Variants in GALNTL6 observed in about 807,000 individuals in gnomAD.
GALNTL6 encodes polypeptide N-acetylgalactosaminyltransferase like 6, also known as polypeptide N-acetylgalactosaminyltransferase-like 6.
A neutral mutation model predicts 73.7 loss-of-function variants in GALNTL6; 46 were observed. That is an observed-to-expected ratio of 0.62 (90% CI 0.49 to 0.80). GALNTL6 has a LOEUF of 0.80. Among genes scored for constraint, GALNTL6 ranks in the 30% least tolerant of loss-of-function variants. The pLI is 0.00. For missense variants in GALNTL6, 604 were observed against 755.0 expected (o/e 0.80, Z 2.34); for synonymous variants, 259 against 263.7 (o/e 0.98, Z 0.17).
Position 172,547,594 on chromosome 4 carries a change from C to A in GALNTL6, c.553+198905C>A, listed in dbSNP as rs559690892. 1.2e-3 allele frequency among the ~76,000 whole-genome samples: 187 copies of A among 152,074 alleles called. 2 individuals carry two copies. Among genetic ancestry groups the A allele is most frequent in the Non-Finnish European group, 1.9e-3 (129 of 68,026 alleles). ...GAAAAGTTCATGAGTAACTCAGCAACCTTTAGATCATTTTTTTTCCTCCTG... is the reference window on the plus strand; with the variant it reads ...GAAAAGTTCATGAGTAACTCAGCAAACTTTAGATCATTTTTTTTCCTCCTG... On this transcript the variant is annotated intron_variant, in intron 5 of 12. Transcript: ENST00000506823.
intron 2 of GALNTL6, among the ~76,000 whole-genome samples, chr4:172,224,749 C>A (rs1736794056): frequency 6.6e-6 from 1 of 152,096 alleles, no homozygotes; most frequent in Non-Finnish European, 1.5e-5. Context: ...ACATTTCTGT[C>A]CCCAAAAGGT....
chr4:172,587,097 G>A (rs1331288691), intron 5 of GALNTL6, among the ~76,000 whole-genome samples: 1 of 151,936 alleles, frequency 6.6e-6, no homozygotes, highest in Non-Finnish European at 1.5e-5. Flanking sequence ...GCCTATGTGT[G>A]TGCACATGTG....
At chr4:171,867,205 G>A (rs1245742374) in intron 2 of GALNTL6, among the ~76,000 whole-genome samples, 1 of 152,076 alleles carries the variant, frequency 6.6e-6, no homozygotes, top group Non-Finnish European at 1.5e-5. Flanking sequence ...CATTTTCCTG[G>A]ATGGGAACAT....
At chr4:172,813,347 A>C (rs1012664854) in intron 6 of GALNTL6, among the ~76,000 whole-genome samples, 193 bp from the exon 7 acceptor site, 24 of 152,124 alleles carry the variant, frequency 1.6e-4, no homozygotes, top group Admixed American at 2.6e-4. Context: ...CAACAACTCT[A>C]ATTGGACCTA....
Position 172,069,615 on chromosome 4 carries a change from A to G in GALNTL6, c.139-160041A>G, listed in dbSNP as rs1488739264. ...TATAACACATATATGTTATATATAT[A>G]TAACATATATATATATCCTAAATTT... On this transcript the variant is annotated intron_variant, in intron 2 of 12. Transcript: ENST00000506823. Among the ~76,000 whole-genome samples the G allele has an allele frequency of 2.5e-4, 2 of 7,990 alleles. 1 individual carries two copies. The highest frequency in any genetic ancestry group is 6.7e-4 in the Non-Finnish European group (2 of 3,006). The allele number at this position is 7,990 out of a possible 152,430, so 5.2% of individuals were successfully genotyped here.
intron 5 of GALNTL6, among the ~76,000 whole-genome samples, chr4:172,793,940 A>G (rs754023967): frequency 3.9e-5 from 6 of 152,226 alleles, no homozygotes; most frequent in Non-Finnish European, 8.8e-5. Context: ...ATGTGTGTGT[A>G]TGTATTCTCC....
chr4:172,325,281 A>G (rs1740903579), intron 4 of GALNTL6, among the ~76,000 whole-genome samples: 1 of 151,964 alleles, frequency 6.6e-6, no homozygotes, highest in African/African-American at 2.4e-5. Context: ...CTGTCACAAA[A>G]TGAAGCAGAA....
intron 2 of GALNTL6, among the ~76,000 whole-genome samples, chr4:172,110,095 T>C (rs979815705): frequency 1.3e-5 from 2 of 152,234 alleles, no homozygotes; most frequent in African/African-American, 2.4e-5. Context: ...TATCTTGGAC[T>C]CTAGAACTTT....
At chr4:171,953,216 G>A (rs72696984) in intron 2 of GALNTL6, among the ~76,000 whole-genome samples, 1,426 of 142,506 alleles carry the variant, frequency 0.01, 8 homozygotes, top group Non-Finnish European at 0.016. Context: ...AATGGTGTGC[G>A]CATGCGCACG....
intron 5 of GALNTL6, among the ~76,000 whole-genome samples, chr4:172,806,866 T>A (rs924420614): frequency 1.8e-4 from 28 of 152,232 alleles, no homozygotes; most frequent in African/African-American, 6.0e-4. Flanking sequence ...GCCACTTGTT[T>A]ATAAATTGAT....
At chr4:172,386,618 G>A (rs1743482962) in intron 5 of GALNTL6, among the ~76,000 whole-genome samples, 1 of 152,096 alleles carries the variant, frequency 6.6e-6, no homozygotes, top group Admixed American at 6.6e-5. Context: ...TAAGCATCAT[G>A]GCTCAGCCTA....
intron 2 of GALNTL6, among the ~76,000 whole-genome samples, chr4:171,821,424 G>C (rs1734679931): frequency 6.6e-6 from 1 of 151,774 alleles, no homozygotes; most frequent in Admixed American, 6.6e-5. Flanking sequence ...TGTAGTATTG[G>C]GTCTTGTTCT....
intron 5 of GALNTL6, among the ~76,000 whole-genome samples, chr4:172,739,808 A>G (rs1455661456): frequency 6.6e-6 from 1 of 152,080 alleles, no homozygotes; most frequent in East Asian, 1.9e-4. Context: ...GTTATAGAAT[A>G]TAGCTGTAGC....
chr4:171,966,486 T>A (rs1399234186), intron 2 of GALNTL6, among the ~76,000 whole-genome samples: 1 of 152,156 alleles, frequency 6.6e-6, no homozygotes, highest in Non-Finnish European at 1.5e-5. Context: ...TTTGCCTGAT[T>A]GGATAAGAAA....
chr4:172,197,380 A>G (rs1735808212), intron 2 of GALNTL6, among the ~76,000 whole-genome samples: 1 of 152,230 alleles, frequency 6.6e-6, no homozygotes, highest in African/African-American at 2.4e-5. Context: ...AGTAATTCAT[A>G]GATTCAATGC....
chr4:172,617,550 C>T (rs1738787739), intron 5 of GALNTL6, among the ~76,000 whole-genome samples: 2 of 151,996 alleles, frequency 1.3e-5, no homozygotes, highest in Non-Finnish European at 1.5e-5. Flanking sequence ...GATCTCAGCT[C>T]ACTGCAAGCT....
At chr4:171,944,101 GA>G (rs1332448490) in intron 2 of GALNTL6, among the ~76,000 whole-genome samples, 1 of 151,534 alleles carries the variant, frequency 6.6e-6, no homozygotes, top group Non-Finnish European at 1.5e-5. Flanking sequence ...CAAATGATAA[GA>G]AAAAAATAAG....
intron 5 of GALNTL6, among the ~76,000 whole-genome samples, chr4:172,484,636 A>G (rs1733608140): frequency 6.6e-6 from 1 of 152,218 alleles, no homozygotes; most frequent in Non-Finnish European, 1.5e-5. Flanking sequence ...TTGAAATGTC[A>G]ATAGCAGTAG....
At chr4:172,788,704 G>C (rs537999384) in intron 5 of GALNTL6, among the ~76,000 whole-genome samples, 31 of 146,698 alleles carry the variant, frequency 2.1e-4, no homozygotes, top group South Asian at 2.0e-3. Context: ...TAGATAGATA[G>C]ATACATACAT....
Sources: gnomAD v4.1 joint callset for allele counts (sites outside exome capture counted in the v4.1 genomes callset) on GRCh38, gnomAD v4.1.1 for gene constraint, MANE v1.5 for transcripts, NCBI Gene and HGNC (gene_info 2026-07-23, HGNC 2026-07-21) for gene names.